Variants in DTNA observed in about 807,000 individuals in gnomAD.
DTNA encodes dystrophin-related protein 3.
Under a neutral mutation model 100.7 loss-of-function variants are expected in DTNA, and 43 were observed. The observed-to-expected ratio is 0.43, with a 90% CI of 0.33 to 0.55. DTNA has a LOEUF of 0.55. DTNA is among the 20% of genes least tolerant of loss of function. DTNA has a pLI of 0.04. For synonymous variants in DTNA, 349 were observed against 347.9 expected, an observed-to-expected ratio of 1.00 and a Z score of -0.04; for missense variants, 798 against 953.9, an observed-to-expected ratio of 0.84 and a Z score of 2.15.
chr18:34,680,374 G>T (rs2077938649), intron 1 of DTNA, among the ~76,000 whole-genome samples: 1 of 152,196 alleles, frequency 6.6e-6, no homozygotes, highest in Non-Finnish European at 1.5e-5. Flanking sequence ...GAGAAAGTGA[G>T]TGGTGGTCAT....
intron 16 of DTNA, among the ~76,000 whole-genome samples, chr18:34,858,938 A>G (rs2096584722): frequency 6.6e-6 from 1 of 152,230 alleles, no homozygotes; most frequent in African/African-American, 2.4e-5. Context: ...CAAAAACAAC[A>G]TATCTCACTA....
intron 1 of DTNA, among the ~76,000 whole-genome samples, chr18:34,505,847 C>T (rs147090284): frequency 6.6e-4 from 100 of 152,178 alleles, no homozygotes; most frequent in Non-Finnish European, 1.1e-3. Flanking sequence ...TGTTGATTGT[C>T]GTCTTTCATT....
chr18:34,825,691 A>G (rs1453597644), intron 9 of DTNA, among the ~76,000 whole-genome samples: 1 of 152,206 alleles, frequency 6.6e-6, no homozygotes, highest in Non-Finnish European at 1.5e-5. Context: ...ATTTGCTGAG[A>G]AACCTTGATT....
chr18:34,614,268 C>A (rs533007430), intron 1 of DTNA, among the ~76,000 whole-genome samples: 7 of 152,296 alleles, frequency 4.6e-5, no homozygotes, highest in Admixed American at 3.3e-4. Context: ...TGACAATGCA[C>A]CTGGAGCATC....
chr18:34,879,371 A>G lies in DTNA; in HGVS notation c.1994-180A>G, dbSNP rs372262957. 3.3e-5 allele frequency among the ~76,000 whole-genome samples: 5 copies of G among 152,360 alleles called. No individual in the cohort carries two copies. In the East Asian group the frequency reaches 9.6e-4, roughly 29 times the overall value. On this transcript the variant is annotated intron_variant, in intron 19 of 22. Transcript: ENST00000444659. ...AAAATGCTGTATACCAAATGATTTT[A>G]TAGTAATTCATGTCAATATCAATTC...
At chr18:34,840,470 T>G (rs536826885) in intron 13 of DTNA, among the ~76,000 whole-genome samples, 8 of 152,266 alleles carry the variant, frequency 5.3e-5, no homozygotes, top group African/African-American at 1.7e-4. Context: ...TCACATCATG[T>G]CCTCTTCCCA....
intron 9 of DTNA, among the ~76,000 whole-genome samples, chr18:34,825,667 C>T (rs1273826031): frequency 1.3e-5 from 2 of 152,128 alleles, no homozygotes; most frequent in Non-Finnish European, 2.9e-5. Flanking sequence ...CAGTGGTAGA[C>T]CTTAAACAAA....
At chr18:34,653,151 G>A (rs1201345949) in intron 1 of DTNA, among the ~76,000 whole-genome samples, 1 of 152,004 alleles carries the variant, frequency 6.6e-6, no homozygotes, top group Non-Finnish European at 1.5e-5. Flanking sequence ...TATCACCACT[G>A]CTATCAGCTC....
In DTNA at chr18:34,753,386, TTTTA is replaced by T. The variant is rs1345086008; in HGVS notation, c.-1-2586_-1-2583del. 5.6e-4 allele frequency among the ~76,000 whole-genome samples: 5 copies of T among 8,898 alleles called. 1 individual carries two copies. The highest frequency in any genetic ancestry group is 1.8e-3 in the African/African-American group (3 of 1,698). 5.8% of individuals were successfully genotyped at this position (8,898 alleles called of 152,430 possible). ...ATTTTATTTTTTTTTTTTTTTTATT[TTTTA>T]TTTTTTTTTTGAGACGGAGTCTCGC... is the stretch of plus-strand genomic sequence containing the variant. On this transcript the variant is annotated intron_variant, in intron 1 of 22. Transcript: ENST00000444659.
At chr18:34,537,425 G>C (rs2043822459) in intron 1 of DTNA, among the ~76,000 whole-genome samples, 2 of 151,592 alleles carry the variant, frequency 1.3e-5, no homozygotes, top group African/African-American at 4.8e-5. Flanking sequence ...TTTTTAAAAA[G>C]GAAAATAATT....
At chr18:34,494,658 G>A (rs1360103000) in intron 1 of DTNA, among the ~76,000 whole-genome samples, 1 of 152,130 alleles carries the variant, frequency 6.6e-6, no homozygotes, top group Non-Finnish European at 1.5e-5. Flanking sequence ...TTGGCCGTGA[G>A]GGGCGCAGGG....
intron 1 of DTNA, among the ~76,000 whole-genome samples, chr18:34,676,325 C>T (rs2077393137): frequency 6.6e-6 from 1 of 152,152 alleles, no homozygotes; most frequent in Admixed American, 6.6e-5. Flanking sequence ...AAATGCAGCA[C>T]CCAAAATGAA....
At chr18:34,818,751 G>A (rs912969855) in intron 8 of DTNA, 4 of 623,590 alleles carry the variant, frequency 6.4e-6, no homozygotes, top group Non-Finnish European at 8.6e-6. Flanking sequence ...TGCGTGACTA[G>A]AATATTAAAG....
intron 1 of DTNA, among the ~76,000 whole-genome samples, chr18:34,623,741 T>C (rs2056899818): frequency 1.3e-5 from 2 of 152,224 alleles, no homozygotes; most frequent in South Asian, 4.1e-4. Flanking sequence ...AGTAGGCTAA[T>C]GGTTCAAGGA....
chr18:34,667,920 C>G (rs1425353801), intron 1 of DTNA, among the ~76,000 whole-genome samples: 1 of 152,186 alleles, frequency 6.6e-6, no homozygotes, highest in Non-Finnish European at 1.5e-5. Flanking sequence ...GCTTTGGCAT[C>G]AGGATGATGC....
intron 17 of DTNA, among the ~76,000 whole-genome samples, chr18:34,872,897 A>G (rs2096779161): frequency 6.6e-6 from 1 of 152,176 alleles, no homozygotes; most frequent in Non-Finnish European, 1.5e-5. Context: ...AGCATGGCAA[A>G]CCCTGAGCTT....
intron 1 of DTNA, among the ~76,000 whole-genome samples, chr18:34,595,305 GT>G (rs1381538937): frequency 3.3e-5 from 5 of 152,040 alleles, no homozygotes; most frequent in Non-Finnish European, 5.9e-5. Context: ...TAACTAATAT[GT>G]TTTTTATTGA....
chr18:34,633,820 A>G (rs2058356878), intron 1 of DTNA, among the ~76,000 whole-genome samples: 1 of 152,226 alleles, frequency 6.6e-6, no homozygotes, highest in African/African-American at 2.4e-5. Flanking sequence ...AAAAGAGTAA[A>G]TGGGAAAACA....
intron 1 of DTNA, among the ~76,000 whole-genome samples, chr18:34,498,233 G>A (rs966208513): frequency 6.6e-6 from 1 of 152,018 alleles, no homozygotes; most frequent in Non-Finnish European, 1.5e-5. Context: ...GGCTAACACG[G>A]TGAAACTCCG....
Sources: allele counts gnomAD v4.1 joint callset (sites outside exome capture counted in the v4.1 genomes callset), GRCh38; gene constraint gnomAD v4.1.1; transcripts MANE v1.5; gene names NCBI Gene and HGNC (gene_info 2026-07-23, HGNC 2026-07-21).